Variants in TCIRG1 observed in about 807,000 individuals in gnomAD.
TCIRG1 encodes the protein V-type proton ATPase 116 kDa subunit a 3.
A neutral mutation model predicts 95.5 loss-of-function variants in TCIRG1; 86 were observed. The ratio of observed to expected loss-of-function variants is 0.90; its 90% CI spans 0.76 to 1.08. TCIRG1 has a LOEUF of 1.08. Ranked by LOEUF, TCIRG1 falls within the 50% of genes least tolerant of loss-of-function variation. The pLI is 0.00. For synonymous variants in TCIRG1, 499 were observed against 501.3 expected (o/e 1.00, Z 0.06); for missense variants, 1,069 against 1,140.2 (o/e 0.94, Z 0.90).
intron 1 of TCIRG1, chr11:68,039,712 A>AG: frequency 6.6e-6 from 1 of 152,388 alleles, no homozygotes; most frequent in Non-Finnish European, 1.5e-5. Context: ...GGACAGGGGT[A>AG]GGGGGTGAGC....
chr11:68,049,760 G>A lies in TCIRG1; in HGVS notation c.1985G>A (p.Arg662His), dbSNP rs763065648. The A allele has an allele frequency of 2.0e-5, 31 of 1,575,788 alleles. No homozygotes were observed. The highest frequency in any genetic ancestry group is 4.6e-5 in the East Asian group (2 of 43,836). Residue 662 changes from arginine (R) to histidine (H), a missense_variant, in exon 16 of 20, where the codon CGC (arginine) becomes CAC (histidine). Arg to His is a conservative substitution (Grantham distance 29). Transcript: ENST00000265686. ...PLHLLHRHRRRLRRRPADRQE... is the reference protein window; with the variant it reads ...PLHLLHRHRRHLRRRPADRQE... ...CACCTGCTGCACCGCCACCGCCGCC[G>A]CCTGCGGAGGAGGCCCGCTGACCGA...
downstream of TCIRG1, chr11:68,053,377 C>T (rs964987546): frequency 2.0e-5 from 3 of 153,002 alleles, no homozygotes; most frequent in South Asian, 2.1e-4. Flanking sequence ...GAGAGCTCTG[C>T]TCCACACGCT....
Position 68,042,627 on chromosome 11 carries a change from G to C in TCIRG1, c.197-16G>C. 6.5e-7 allele frequency: 1 copy of C among 1,545,848 alleles called. No homozygotes were observed. The highest frequency in any genetic ancestry group is 8.7e-7 in the Non-Finnish European group (1 of 1,144,998). ...ACAACCTCAACTGCACCCCACTCCC[G>C]TTCCTCTGCGCCCAGCCTTCCTGCA... On this transcript the variant is annotated splice_polypyrimidine_tract_variant and intron_variant, in intron 3 of 19. Coordinates refer to ENST00000265686, the MANE Select transcript of TCIRG1 (RefSeq NM_006019.4).
chr11:68,047,526 T>A lies in TCIRG1; in HGVS notation c.1259T>A (p.Met420Lys). The change falls in exon 11 of 20, where the codon ATG (methionine) becomes AAG (lysine). Residue 420 changes from methionine (M) to lysine (K), a missense_variant. Coordinates refer to ENST00000265686, the MANE Select transcript of TCIRG1 (RefSeq NM_006019.4). Reference protein sequence around the residue: ...GLLMFLFALAMVLAENRPAVK... With the variant: ...GLLMFLFALAKVLAENRPAVK... ...CTCATGTTCCTGTTCGCCCTGGCCA[T>A]GGTCCTTGCGGAGAACCGACCGGCT... The A allele has an allele frequency of 6.2e-7, 1 of 1,613,960 alleles. No homozygotes were observed. The highest frequency in any genetic ancestry group is 8.5e-7 in the Non-Finnish European group (1 of 1,179,988).
In TCIRG1 at chr11:68,049,111, G is replaced by A. The variant is rs2134460274; in HGVS notation, c.1704G>A (p.Leu568=). The A allele has an allele frequency of 5.0e-6, 8 of 1,613,724 alleles. No individual in the cohort carries two copies. The highest frequency in any genetic ancestry group is 6.8e-6 in the Non-Finnish European group (8 of 1,180,020). ...VHFGQRHRLL[L]ETLPELTFLL... ...TTGGCCAGAGGCACCGGCTGCTGCT[G>A]GAGACGCTGCCGGAGCTCACCTTCC... Residue 568 remains leucine (L), a synonymous_variant, in exon 15 of 20, where the codon CTG becomes CTA. Coordinates refer to ENST00000265686, the MANE Select transcript of TCIRG1 (RefSeq NM_006019.4).
chr11:68,047,242 C>T (rs996046486), intron 10 of TCIRG1, among the ~76,000 whole-genome samples, 191 bp from the exon 11 acceptor site: 11 of 118,394 alleles, frequency 9.3e-5, no homozygotes, highest in East Asian at 2.6e-4. Context: ...AACTCCTGAC[C>T]TCGGGTGATG....
chr11:68,047,409 C>T (rs752062057), intron 10 of TCIRG1, 24 bp from the exon 11 acceptor site: 3 of 1,613,336 alleles, frequency 1.9e-6, no homozygotes, highest in Non-Finnish European at 2.5e-6. Flanking sequence ...CGGGGGTTCC[C>T]AGCTCACCCA....
intron 10 of TCIRG1, among the ~76,000 whole-genome samples, chr11:68,045,846 T>G (rs929127206): frequency 6.6e-6 from 1 of 152,336 alleles, no homozygotes; most frequent in South Asian, 2.1e-4. Flanking sequence ...GCCCACTGGA[T>G]GAGGCAGGGC....
Position 68,041,397 on chromosome 11 carries a change from G to C in TCIRG1, c.117+9G>C. The C allele has an allele frequency of 6.3e-7, 1 of 1,597,380 alleles. No homozygotes were observed. Among genetic ancestry groups the C allele is most frequent in the Non-Finnish European group, 8.6e-7 (1 of 1,166,534 alleles). ...TCGTGGAGTTCAGAGACGTGAGTTG[G>C]GTGGGCAGGCGTGGGAAGGGGGCTA... On this transcript the variant is annotated intron_variant, in intron 2 of 19. Transcript: ENST00000265686.
rs950903357 is a variant in TCIRG1 at position 68,049,398 on chromosome 11, C to T, written c.1887+104C>T. 5.5e-6 allele frequency: 7 copies of T among 1,266,658 alleles called. No homozygotes were observed. The African/African-American group carries it at 1.0e-4, about 19-fold the overall frequency. The allele number at this position is 1,266,658 out of a possible 1,614,324, so 78.5% of individuals were successfully genotyped here. A position where few individuals can be genotyped will look rare whatever the true frequency, so the allele number is the denominator to read the frequency against. On this transcript the variant is annotated intron_variant, in intron 15 of 19. Transcript: ENST00000265686. ...GATCCTCGTCCGAGAAACGGGGATG[C>T]AGGCCCCGGGCCGTGCAGACAGGGC... is the stretch of plus-strand genomic sequence containing the variant.
chr11:68,044,971 T>G lies in TCIRG1; in HGVS notation c.1034T>G (p.Val345Gly). 6.2e-7 allele frequency: 1 copy of G among 1,607,910 alleles called. No individual in the cohort carries two copies. The highest frequency in any genetic ancestry group is 8.5e-7 in the Non-Finnish European group (1 of 1,179,918). The change falls in exon 10 of 20, where the codon GTG becomes GGG. Residue 345 changes from valine to glycine, a missense_variant. By Grantham distance (109) the Val-to-Gly change is moderately radical (BLOSUM62 -3). Coordinates refer to ENST00000265686, the MANE Select transcript of TCIRG1 (RefSeq NM_006019.4). ...CCTGGCACCCAGATGGAGGAGGGAG[T>G]GAGTGCCGTGGCTCACCGCATCCCC... ...ALRDSSMEEG[V>G]SAVAHRIPCR...
At chr11:68,043,688 C>T (rs753058041) in intron 7 of TCIRG1, 35 bp downstream of exon 7, 3 of 1,570,416 alleles carry the variant, frequency 1.9e-6, no homozygotes, top group Non-Finnish European at 2.6e-6. Flanking sequence ...CACCGCCCTG[C>T]TCCCCAGGCC....
chr11:68,044,109 G>A (rs753349422), intron 8 of TCIRG1, 23 bp from the exon 9 acceptor site: 37 of 1,542,718 alleles, frequency 2.4e-5, no homozygotes, highest in South Asian at 7.1e-5. Flanking sequence ...CCCAGCCCCC[G>A]CTGACTGCCC....
At position 68,047,261 on chromosome 11, in the gene TCIRG1, C is replaced by T. The variant is rs1035175024; in HGVS notation, c.1166-172C>T. ...CCTGACCTCGGGTGATGCCCCCCCC[C>T]CCCCCCGTCTCGGCCTCCCAGAGTG... On this transcript the variant is annotated intron_variant, in intron 10 of 19. Coordinates refer to ENST00000265686, the MANE Select transcript of TCIRG1 (RefSeq NM_006019.4). 2.2e-4 allele frequency among the ~76,000 whole-genome samples: 24 copies of T among 108,086 alleles called. 4 individuals carry two copies. The highest frequency in any genetic ancestry group is 3.6e-4 in the Non-Finnish European group (17 of 47,726). 70.9% of individuals were successfully genotyped at this position (108,086 alleles called of 152,430 possible).
At position 68,041,340 on chromosome 11, in the gene TCIRG1, C is replaced by T. The variant is rs1855149318; in HGVS notation, c.69C>T (p.Tyr23=). The change falls in exon 2 of 20, where the codon TAC becomes TAT. Residue 23 remains tyrosine (Y), a synonymous_variant. Coordinates refer to ENST00000265686, the MANE Select transcript of TCIRG1 (RefSeq NM_006019.4). ...VQLFLPTAAA[Y]TCVSRLGELG... is the part of the protein sequence containing the mutation. ...TCTTTCTGCCCACAGCGGCTGCCTA[C>T]ACCTGCGTGAGTCGGCTGGGCGAGC... is the stretch of plus-strand genomic sequence containing the variant. The T allele has an allele frequency of 6.2e-7, 1 of 1,613,270 alleles. No homozygotes were observed. The highest frequency in any genetic ancestry group is 2.2e-5 in the East Asian group (1 of 44,876).
In TCIRG1 at chr11:68,045,030, A is replaced by G. The variant is rs779330162; in HGVS notation, c.1093A>G (p.Asn365Asp). Reference protein sequence around the residue: ...RDMPPTLIRTNRFTASFQGIV... With the variant: ...RDMPPTLIRTDRFTASFQGIV... The stretch of plus-strand genomic sequence containing the variant: ...CATGCCCCCCACACTCATCCGCACC[A>G]ACCGCTTCACGGCCAGCTTCCAGGG... The change falls in exon 10 of 20, where the codon AAC becomes GAC. Residue 365 changes from asparagine (N) to aspartate (D), a missense_variant. Physicochemically the swap from Asn to Asp is conservative, Grantham distance 23. Transcript: ENST00000265686. 5.6e-6 allele frequency: 9 copies of G among 1,607,636 alleles called. No individual in the cohort carries two copies. In the African/African-American group the frequency reaches 1.2e-4, roughly 21 times the overall value.
Position 68,049,990 on chromosome 11 carries a change from T to C in TCIRG1, c.2042T>C (p.Leu681Pro). The C allele has an allele frequency of 3.1e-6, 5 of 1,612,672 alleles. No individual in the cohort carries two copies. Among genetic ancestry groups the C allele is most frequent in the Non-Finnish European group, 4.2e-6 (5 of 1,179,818 alleles). Residue 681 changes from leucine to proline, a missense_variant, in exon 17 of 20, where the codon CTG (leucine) becomes CCG (proline). Physicochemically the swap from Leu to Pro is moderately conservative, Grantham distance 98. Coordinates refer to ENST00000265686, the MANE Select transcript of TCIRG1 (RefSeq NM_006019.4). ...GAAAACAAGGCCGGGTTGCTGGACC[T>C]GCCTGACGCATCTGTGAATGGCTGG... is the stretch of plus-strand genomic sequence containing the variant. Reference protein sequence around the residue: ...QEENKAGLLDLPDASVNGWSS... With the variant: ...QEENKAGLLDPPDASVNGWSS...
chr11:68,047,935 G>C lies in TCIRG1; in HGVS notation c.1517G>C (p.Gly506Ala). 6.2e-7 allele frequency: 1 copy of C among 1,613,854 alleles called. No individual in the cohort carries two copies. The highest frequency in any genetic ancestry group is 1.1e-5 in the South Asian group (1 of 91,084). The part of the protein sequence containing the change: ...TMLTLDPNVT[G>A]VFLGPYPFGI... ...CTTACCCTGGATCCCAACGTCACCG[G>C]TGTCTTCCTGGGACCCTACCCCTTT... Residue 506 changes from glycine (G) to alanine (A), a missense_variant, in exon 13 of 20, where the codon GGT becomes GCT. Physicochemically the swap from Gly to Ala is moderately conservative, Grantham distance 60 (BLOSUM62 0). Coordinates refer to ENST00000265686, the MANE Select transcript of TCIRG1 (RefSeq NM_006019.4).
intron 10 of TCIRG1, among the ~76,000 whole-genome samples, chr11:68,045,805 G>A (rs1855452409): frequency 6.6e-6 from 1 of 152,184 alleles, no homozygotes; most frequent in East Asian, 1.9e-4. Flanking sequence ...CACCCACACA[G>A]GCCGTTGGGG....
Sources: allele counts gnomAD v4.1 joint callset (sites outside exome capture counted in the v4.1 genomes callset), GRCh38; gene constraint gnomAD v4.1.1; transcripts MANE v1.5; gene names NCBI Gene and HGNC (gene_info 2026-07-23, HGNC 2026-07-21).